Variants in SMG7 observed in about 807,000 individuals in gnomAD.
The protein encoded by SMG7 is SMG7 nonsense mediated mRNA decay factor.
SMG7 carries 34 observed loss-of-function variants against 148.2 expected under a neutral mutation model. That is an observed-to-expected ratio of 0.23 (90% CI 0.17 to 0.31). The LOEUF is 0.31. Among genes scored for constraint, SMG7 ranks in the 10% least tolerant of loss-of-function variants. The pLI is 1.00. For synonymous variants in SMG7, 492 were observed against 515.1 expected (o/e 0.96, Z 0.61); for missense variants, 1,114 against 1,408.4 (o/e 0.79, Z 3.35).
At chr1:183,535,621 A>G (rs1469916474) in intron 10 of SMG7, among the ~76,000 whole-genome samples, 1 of 152,118 alleles carries the variant, frequency 6.6e-6, no homozygotes, top group Non-Finnish European at 1.5e-5. Context: ...TATTCAAATA[A>G]TCTTCAGTTT....
At chr1:183,488,931 G>A (rs774631865) in intron 1 of SMG7, among the ~76,000 whole-genome samples, 5 of 152,056 alleles carry the variant, frequency 3.3e-5, no homozygotes, top group Admixed American at 6.5e-5. Flanking sequence ...TGATCCACCC[G>A]CCTTGGCCTC....
intron 1 of SMG7, among the ~76,000 whole-genome samples, chr1:183,475,932 G>C (rs1201277245): frequency 6.6e-6 from 1 of 152,184 alleles, no homozygotes; most frequent in Non-Finnish European, 1.5e-5. Context: ...AGGCAAAATG[G>C]GGGAGGCATA....
intron 12 of SMG7, among the ~76,000 whole-genome samples, chr1:183,539,006 C>G (rs923827095): frequency 6.6e-6 from 1 of 151,936 alleles, no homozygotes; most frequent in African/African-American, 2.4e-5. Context: ...AAAAATTAGC[C>G]GGGCATGGTG....
At position 183,552,644 on chromosome 1, in the gene SMG7, G is replaced by A; in HGVS notation, c.*713G>A. 1.8e-6 allele frequency: 2 copies of A among 1,093,450 alleles called. No individual in the cohort carries two copies. Among genetic ancestry groups the A allele is most frequent in the South Asian group, 5.7e-5 (2 of 35,134 alleles). 67.7% of individuals were successfully genotyped at this position (1,093,450 alleles called of 1,614,324 possible). ...GCAGGGAATGCCCTTCACTCTGTAG[G>A]TGCTCGAGCCCCAATCGAGGATACA... On this transcript the variant is annotated 3_prime_UTR_variant, in exon 23 of 23. Transcript: ENST00000688051.
At chr1:183,496,418 A>G (rs1658495002) in intron 1 of SMG7, among the ~76,000 whole-genome samples, 1 of 152,134 alleles carries the variant, frequency 6.6e-6, no homozygotes, top group Non-Finnish European at 1.5e-5. Context: ...AACGCTTTTG[A>G]CCTTTACATC....
chr1:183,517,158 A>T (rs1195604406), intron 3 of SMG7, among the ~76,000 whole-genome samples: 1 of 152,226 alleles, frequency 6.6e-6, no homozygotes, highest in East Asian at 1.9e-4. Flanking sequence ...GCCAAATTTG[A>T]AATGTGGCTT....
chr1:183,528,139 T>C, intron 6 of SMG7, 112 bp downstream of exon 6: 1 of 647,662 alleles, frequency 1.5e-6, no homozygotes, highest in Non-Finnish European at 2.5e-6. Context: ...AAATGAGTTT[T>C]GTTATTGTCA....
intron 12 of SMG7, among the ~76,000 whole-genome samples, chr1:183,539,490 A>T (rs1442254913): frequency 6.6e-6 from 1 of 152,050 alleles, no homozygotes; most frequent in South Asian, 2.1e-4. Flanking sequence ...AATCAAATCC[A>T]TCCCTATGTC....
At position 183,527,723 on chromosome 1, in the gene SMG7, G is replaced by C. The variant is rs1370530078; in HGVS notation, c.485-233G>C. Reference sequence around the variant, plus strand: ...GCATGACACTGGAGGACCTGAAAATGGGGTCTAGGTAAGCTTTAAAATTGG... The same window carrying C: ...GCATGACACTGGAGGACCTGAAAATCGGGTCTAGGTAAGCTTTAAAATTGG... On this transcript the variant is annotated intron_variant, in intron 5 of 22. Coordinates refer to ENST00000688051, the MANE Select transcript of SMG7 (RefSeq NM_001375584.1). The surrounding 1 kb of genome is among the most constrained non-coding windows in gnomAD (Gnocchi z 4.0). 2 of 548,438 alleles carry C rather than the reference G, an allele frequency of 3.6e-6. No homozygotes were observed. The highest frequency in any genetic ancestry group is 4.5e-5 in the Admixed American group (2 of 44,734). The allele number at this position is 548,438 out of a possible 1,614,324, so 34.0% of individuals were successfully genotyped here.
chr1:183,486,252 A>T (rs1053017273), intron 1 of SMG7, among the ~76,000 whole-genome samples: 1 of 152,230 alleles, frequency 6.6e-6, no homozygotes, highest in African/African-American at 2.4e-5. Flanking sequence ...ACTTACTGCA[A>T]ACATTTTGAA....
At position 183,550,737 on chromosome 1, in the gene SMG7, C is replaced by A. The variant is rs1670869442; in HGVS notation, c.3134-14C>A. ...CAATGATTTACTATATCCTGTGTTGCTATTATTTAATAGATCATTCAACAC... is the reference window on the plus strand; with the variant it reads ...CAATGATTTACTATATCCTGTGTTGATATTATTTAATAGATCATTCAACAC... On this transcript the variant is annotated splice_polypyrimidine_tract_variant and intron_variant, in intron 20 of 22. Coordinates refer to ENST00000688051, the MANE Select transcript of SMG7 (RefSeq NM_001375584.1). The A allele has an allele frequency of 1.2e-6, 2 of 1,612,490 alleles. No individual in the cohort carries two copies. The highest frequency in any genetic ancestry group is 1.3e-5 in the African/African-American group (1 of 74,850).
chr1:183,494,753 G>GTT (rs1658016964), intron 1 of SMG7, among the ~76,000 whole-genome samples: 2 of 38,564 alleles, frequency 5.2e-5, no homozygotes, highest in Non-Finnish European at 1.2e-4. Context: ...GCTAGCCCTT[G>GTT]TTCTTTTTTT....
At chr1:183,508,796 CA>C (rs746708872) in intron 1 of SMG7, among the ~76,000 whole-genome samples, 2 of 152,100 alleles carry the variant, frequency 1.3e-5, no homozygotes, top group African/African-American at 2.4e-5. Context: ...TAGATTTTAT[CA>C]AAAACATAGC....
intron 1 of SMG7, among the ~76,000 whole-genome samples, chr1:183,479,787 A>G (rs1472160811): frequency 2.0e-5 from 3 of 152,132 alleles, no homozygotes; most frequent in Admixed American, 1.3e-4. Context: ...GTTTATTCCA[A>G]CAGAGGTGGA....
Position 183,553,216 on chromosome 1 carries a change from AT to A in SMG7, c.*1288del. On this transcript the variant is annotated 3_prime_UTR_variant, in exon 23 of 23. Transcript: ENST00000688051. ...AAGGAAAATAAACTCTTTGTATGAT[AT>A]TTATTAGGAGGAAAGAGGACTGAAA... 1 of 1,525,462 alleles carries A rather than the reference AT, an allele frequency of 6.6e-7. No individual in the cohort carries two copies. The highest frequency in any genetic ancestry group is 8.8e-7 in the Non-Finnish European group (1 of 1,138,104). The allele number at this position is 1,525,462 out of a possible 1,614,324, so 94.5% of individuals were successfully genotyped here.
intron 1 of SMG7, among the ~76,000 whole-genome samples, chr1:183,511,920 C>G (rs921476705): frequency 8.5e-5 from 13 of 152,156 alleles, no homozygotes; most frequent in African/African-American, 2.4e-5. Flanking sequence ...CAGGTTTCTT[C>G]CTTCCACAAT....
chr1:183,474,264 T>A (rs1282741075), intron 1 of SMG7, among the ~76,000 whole-genome samples: 1 of 152,234 alleles, frequency 6.6e-6, no homozygotes, highest in Non-Finnish European at 1.5e-5. Flanking sequence ...GTAAGTACCA[T>A]GAAAGATACC....
At chr1:183,548,723 G>C (rs544945864) in intron 18 of SMG7, among the ~76,000 whole-genome samples, 4 of 152,240 alleles carry the variant, frequency 2.6e-5, no homozygotes, top group Non-Finnish European at 5.9e-5. Context: ...TTTAGCAACT[G>C]TTTTACTATA....
At chr1:183,517,444 T>C (rs1243720511) in intron 3 of SMG7, among the ~76,000 whole-genome samples, 2 of 152,228 alleles carry the variant, frequency 1.3e-5, no homozygotes, top group African/African-American at 4.8e-5. Flanking sequence ...GATTAATAGC[T>C]GAAGCCACAA....
Sources: allele counts gnomAD v4.1 joint callset (sites outside exome capture counted in the v4.1 genomes callset), GRCh38; gene constraint gnomAD v4.1.1; non-coding constraint Gnocchi (gnomAD v3.1); transcripts MANE v1.5; gene names NCBI Gene and HGNC (gene_info 2026-07-23, HGNC 2026-07-21).